PLCB1: variants seen among roughly 807,000 people sequenced by gnomAD.
PLCB1 encodes 1-phosphatidylinositol 4,5-bisphosphate phosphodiesterase beta-1.
Under a neutral mutation model 161.8 loss-of-function variants are expected in PLCB1, and 46 were observed. The observed-to-expected ratio is 0.28, with a 90% confidence interval of 0.22 to 0.36. The LOEUF (loss-of-function observed/expected upper bound fraction) is 0.36. Among genes scored for constraint, PLCB1 ranks in the 10% least tolerant of loss-of-function variants. The probability of loss-of-function intolerance (pLI) is 1.00; values close to 1 mark genes in which losing one functional copy is unlikely to be tolerated. For missense variants in PLCB1, 1,016 were observed against 1,472.5 expected, an observed-to-expected ratio of 0.69 and a Z score of 5.07; for synonymous variants, 517 against 503.7, an observed-to-expected ratio of 1.03 and a Z score of -0.35.
intron 3 of PLCB1, among the ~76,000 whole-genome samples, chr20:8,376,566 C>G (rs1192020738): frequency 2.0e-5 from 3 of 152,260 alleles, no homozygotes; most frequent in Admixed American, 2.0e-4. Context: ...AGACAAACAG[C>G]TATGCTGTCA....
rs1568623070 is a variant in PLCB1, at chr20:8,300,321, G to A, written c.178-71061G>A. On this transcript the variant is annotated intron_variant, in intron 2 of 31. Transcript: ENST00000338037. ...CACATTTCTTAGCTTGTGATCAAGG[G>A]GCAGAGAATTAGACTTTGCTTCCTG... 2.0e-5 allele frequency among the ~76,000 whole-genome samples: 3 copies of A among 152,102 alleles called. No homozygotes were observed. In the South Asian group the frequency reaches 6.2e-4, roughly 32 times the overall value.
At chr20:8,504,930 C>A (rs543399110) in intron 3 of PLCB1, among the ~76,000 whole-genome samples, 6 of 152,258 alleles carry the variant, frequency 3.9e-5, no homozygotes, top group Admixed American at 2.6e-4. Context: ...TTCAGTGGAA[C>A]GACATTGGCT....
chr20:8,569,942 G>T (rs1486627224), intron 3 of PLCB1, among the ~76,000 whole-genome samples: 2 of 152,122 alleles, frequency 1.3e-5, no homozygotes, highest in Non-Finnish European at 2.9e-5. Context: ...ATTTCTTCAT[G>T]TAACTGTGTA....
intron 3 of PLCB1, among the ~76,000 whole-genome samples, chr20:8,387,712 C>A (rs1337701595): frequency 2.0e-5 from 3 of 151,998 alleles, no homozygotes; most frequent in African/African-American, 7.3e-5. Flanking sequence ...CACAATGAAG[C>A]AAAGTGCAAT....
intron 14 of PLCB1, among the ~76,000 whole-genome samples, chr20:8,721,969 T>G (rs1979661593): frequency 6.6e-6 from 1 of 151,922 alleles, no homozygotes; most frequent in Non-Finnish European, 1.5e-5. Flanking sequence ...GTTTTCGGGG[T>G]CATAGAGACC....
At chr20:8,285,216 T>C (rs1983056407) in intron 2 of PLCB1, among the ~76,000 whole-genome samples, 1 of 149,834 alleles carries the variant, frequency 6.7e-6, no homozygotes, top group Non-Finnish European at 1.5e-5. Context: ...TGTATGCTCC[T>C]TCTCTTCGTT....
At chr20:8,573,364 C>T (rs1164198477) in intron 3 of PLCB1, among the ~76,000 whole-genome samples, 1 of 152,060 alleles carries the variant, frequency 6.6e-6, no homozygotes, top group Non-Finnish European at 1.5e-5. Flanking sequence ...AGAACTTTAA[C>T]TAGGAAATGG....
intron 3 of PLCB1, among the ~76,000 whole-genome samples, chr20:8,445,853 G>A (rs1980798418): frequency 6.6e-6 from 1 of 152,018 alleles, no homozygotes; most frequent in African/African-American, 2.4e-5. Context: ...CTGTTTGTCT[G>A]TTATTGGTGT....
chr20:8,659,908 C>A (rs996609276), intron 9 of PLCB1, among the ~76,000 whole-genome samples: 1 of 149,092 alleles, frequency 6.7e-6, no homozygotes, highest in Admixed American at 6.8e-5. Context: ...AGGAGAATTG[C>A]TTTAACCCAG....
chr20:8,649,290 G>C (rs1371028257), intron 6 of PLCB1, 84 bp from the exon 7 acceptor site: 6 of 793,334 alleles, frequency 7.6e-6, no homozygotes, highest in Non-Finnish European at 1.1e-5. Flanking sequence ...TGACTGAATG[G>C]AATATTTTGA....
At chr20:8,472,944 T>C (rs1231863691) in intron 3 of PLCB1, among the ~76,000 whole-genome samples, 1 of 152,160 alleles carries the variant, frequency 6.6e-6, no homozygotes, top group East Asian at 1.9e-4. Flanking sequence ...ATGATTCACA[T>C]GGCCGGCATT....
chr20:8,808,519 A>G (rs1984655722), intron 31 of PLCB1, among the ~76,000 whole-genome samples: 1 of 152,228 alleles, frequency 6.6e-6, no homozygotes, highest in Non-Finnish European at 1.5e-5. Flanking sequence ...GGGCTTTGAT[A>G]TATGAATTTG....
intron 31 of PLCB1, among the ~76,000 whole-genome samples, chr20:8,818,045 A>G (rs1985160824): frequency 6.6e-6 from 1 of 152,228 alleles, no homozygotes; most frequent in Non-Finnish European, 1.5e-5. Context: ...AAAATATGGT[A>G]GAGAGATCAA....
intron 18 of PLCB1, among the ~76,000 whole-genome samples, chr20:8,731,445 G>T (rs1980240477): frequency 6.6e-6 from 1 of 151,860 alleles, no homozygotes; most frequent in African/African-American, 2.4e-5. Flanking sequence ...TGAAGAGTGG[G>T]CATCTTTCTC....
intron 3 of PLCB1, among the ~76,000 whole-genome samples, chr20:8,518,154 C>T (rs1214386101): frequency 6.6e-6 from 1 of 151,806 alleles, no homozygotes; most frequent in Non-Finnish European, 1.5e-5. Flanking sequence ...TGCACACCAG[C>T]CTGGTGACAG....
At chr20:8,392,310 A>G (rs1180275295) in intron 3 of PLCB1, among the ~76,000 whole-genome samples, 1 of 152,096 alleles carries the variant, frequency 6.6e-6, no homozygotes, top group Non-Finnish European at 1.5e-5. Context: ...ATCCCTCACC[A>G]GACACGGAAC....
intron 3 of PLCB1, among the ~76,000 whole-genome samples, chr20:8,575,232 A>G (rs1380625988): frequency 6.6e-6 from 1 of 152,224 alleles, no homozygotes; most frequent in African/African-American, 2.4e-5. Flanking sequence ...TTAGACAGAG[A>G]GAAAGAAAAT....
intron 2 of PLCB1, among the ~76,000 whole-genome samples, chr20:8,271,121 G>A (rs931802128): frequency 3.9e-5 from 6 of 152,002 alleles, no homozygotes; most frequent in Non-Finnish European, 5.9e-5. Flanking sequence ...TTAAATTTTT[G>A]TCTACAATGT....
chr20:8,728,394 A>C (rs1463723470), intron 17 of PLCB1, among the ~76,000 whole-genome samples: 3 of 152,048 alleles, frequency 2.0e-5, no homozygotes, highest in Non-Finnish European at 4.4e-5. Context: ...CAACAACTAC[A>C]AGATTCTTAG....
Sources: gnomAD v4.1 joint callset for allele counts (sites outside exome capture counted in the v4.1 genomes callset) on GRCh38, gnomAD v4.1.1 for gene constraint, MANE v1.5 for transcripts, NCBI Gene and HGNC (gene_info 2026-07-23, HGNC 2026-07-21) for gene names.